Variants in EZH1 observed in about 807,000 individuals in gnomAD.
EZH1 encodes histone-lysine N-methyltransferase EZH1.
Under a neutral mutation model 100.5 loss-of-function variants are expected in EZH1, and 33 were observed. That is an observed-to-expected ratio of 0.33 (90% CI 0.25 to 0.44). The LOEUF (loss-of-function observed/expected upper bound fraction) is 0.44. Ranked by LOEUF, EZH1 falls within the 20% of genes least tolerant of loss-of-function variation. EZH1 has a pLI of 1.00. For missense variants in EZH1, 475 were observed against 928.4 expected, an observed-to-expected ratio of 0.51 and a Z score of 6.35; for synonymous variants, 272 against 313.8, an observed-to-expected ratio of 0.87 and a Z score of 1.41.
At chr17:42,725,608 T>G (rs1474567537) in intron 4 of EZH1, among the ~76,000 whole-genome samples, 2 of 152,134 alleles carry the variant, frequency 1.3e-5, no homozygotes, top group African/African-American at 2.4e-5. Context: ...TTCACCTTTG[T>G]GTCCTCTATA....
chr17:42,722,602 G>A (rs187195621), intron 6 of EZH1, among the ~76,000 whole-genome samples, 193 bp downstream of exon 6: 1 of 142,902 alleles, frequency 7.0e-6, no homozygotes, highest in Non-Finnish European at 1.5e-5. Context: ...TCCAGCCTGG[G>A]CAACTAAGGC....
At chr17:42,716,617 A>G (rs2053609191) in intron 10 of EZH1, among the ~76,000 whole-genome samples, 1 of 152,224 alleles carries the variant, frequency 6.6e-6, no homozygotes, top group South Asian at 2.1e-4. Flanking sequence ...GAGAAGGGCA[A>G]TGACCTTTTG....
At chr17:42,703,113 T>TAAAA in intron 19 of EZH1, 152 bp from the exon 20 acceptor site, 1 of 672,168 alleles carries the variant, frequency 1.5e-6, no homozygotes, top group East Asian at 2.7e-5. Context: ...TCTATGCTTT[T>TAAAA]AGATCTGTTA....
Position 42,718,515 on chromosome 17 carries a change from A to G in EZH1, c.870T>C (p.Ser290=). The G allele has an allele frequency of 6.2e-7, 1 of 1,614,206 alleles. No homozygotes were observed. The highest frequency in any genetic ancestry group is 8.5e-7 in the Non-Finnish European group (1 of 1,180,036). ...AAAAAAGTGTGTGGAAGGAGTGCAGAGATTGCTCCCGCTGCACAGACTTGG... is the reference window on the plus strand; with the variant it reads ...AAAAAAGTGTGTGGAAGGAGTGCAGGGATTGCTCCCGCTGCACAGACTTGG... The part of the protein sequence containing the change: ...PNAKSVQREQ[S]LHSFHTLFCR... Residue 290 remains serine, a synonymous_variant, in exon 9 of 21, where the codon TCT becomes TCC. Coordinates refer to ENST00000428826, the MANE Select transcript of EZH1 (RefSeq NM_001991.5). This position sits in a 1 kb window ranked among gnomAD's most constrained non-coding sequence, Gnocchi z 4.2.
chr17:42,724,107 C>T (rs1412992792), intron 5 of EZH1, among the ~76,000 whole-genome samples, 198 bp downstream of exon 5: 4 of 152,142 alleles, frequency 2.6e-5, no homozygotes, highest in Non-Finnish European at 5.9e-5. Flanking sequence ...AAGCACACAT[C>T]AGAGAGCATA....
chr17:42,732,128 ACAAAAC>A (rs2053962842), intron 1 of EZH1, among the ~76,000 whole-genome samples: 1 of 151,706 alleles, frequency 6.6e-6, no homozygotes, highest in Non-Finnish European at 1.5e-5. Context: ...AAAAACAAAA[ACAAAAC>A]AAAACCAAAA....
At chr17:42,713,037 C>CAAAAAAAAAAA (rs10664421) in intron 11 of EZH1, among the ~76,000 whole-genome samples, 172 bp downstream of exon 11, 3 of 83,996 alleles carry the variant, frequency 3.6e-5, no homozygotes, top group African/African-American at 9.7e-5. Context: ...GAGACTGTTT[C>CAAAAAAAAAAA]AAAAAAAAAA....
Position 42,704,182 on chromosome 17 carries a change from G to A in EZH1, c.2018-362C>T, listed in dbSNP as rs115899583. 8.3e-3 allele frequency among the ~76,000 whole-genome samples: 1,268 copies of A among 152,260 alleles called. 20 individuals are homozygous for A. Among genetic ancestry groups the A allele is most frequent in the African/African-American group, 0.029 (1,201 of 41,540 alleles). Reference sequence around the variant, plus strand: ...GTGTGATCCTGCCCCCTTGCTCTATGCATCTGCTGGAAGATTCGGAGCTGA... The same window carrying A: ...GTGTGATCCTGCCCCCTTGCTCTATACATCTGCTGGAAGATTCGGAGCTGA... On this transcript the variant is annotated intron_variant, in intron 18 of 20. Coordinates refer to ENST00000428826, the MANE Select transcript of EZH1 (RefSeq NM_001991.5).
chr17:42,735,846 G>A (rs1339794000), intron 1 of EZH1, among the ~76,000 whole-genome samples: 5 of 152,132 alleles, frequency 3.3e-5, no homozygotes, highest in Non-Finnish European at 5.9e-5. Flanking sequence ...TTAGCCAGGC[G>A]TGGTGGCGTC....
chr17:42,724,666 A>G, intron 4 of EZH1: 1 of 343,354 alleles, frequency 2.9e-6, no homozygotes, highest in Non-Finnish European at 5.6e-6. Context: ...CACACATGTA[A>G]TCCCAGCTAC....
At chr17:42,743,060 A>C (rs1309722318) in intron 1 of EZH1, among the ~76,000 whole-genome samples, 1 of 151,406 alleles carries the variant, frequency 6.6e-6, no homozygotes, top group African/African-American at 2.4e-5. Flanking sequence ...GTAGAGAAGG[A>C]GTTTCGCCAT....
chr17:42,739,153 C>G (rs1008295768), intron 1 of EZH1, among the ~76,000 whole-genome samples: 1 of 152,130 alleles, frequency 6.6e-6, no homozygotes, highest in Non-Finnish European at 1.5e-5. Flanking sequence ...CTGCAAAGAG[C>G]TCTAGTAACA....
chr17:42,723,236 G>A (rs1045420308), intron 5 of EZH1, among the ~76,000 whole-genome samples: 10 of 152,154 alleles, frequency 6.6e-5, no homozygotes, highest in Non-Finnish European at 7.4e-5. Flanking sequence ...TTAGCTGGGC[G>A]TGGTGGCGCA....
At chr17:42,729,403 T>C (rs1422201071) in intron 2 of EZH1, among the ~76,000 whole-genome samples, 1 of 151,842 alleles carries the variant, frequency 6.6e-6, no homozygotes. Flanking sequence ...TGAGACCTTG[T>C]CTCAAAAAAC....
chr17:42,715,347 C>G (rs115818584), intron 10 of EZH1, among the ~76,000 whole-genome samples: 1,589 of 150,598 alleles, frequency 0.011, 13 homozygotes, highest in Non-Finnish European at 0.015. Context: ...TCTCAGCTCA[C>G]TGCAGCCTTG....
chr17:42,708,284 G>T, intron 14 of EZH1: 1 of 545,170 alleles, frequency 1.8e-6, no homozygotes, highest in South Asian at 2.3e-5. Flanking sequence ...GGGAGGGTGT[G>T]GAGATGGTCT....
At chr17:42,717,104 A>G (rs1033116980) in intron 10 of EZH1, among the ~76,000 whole-genome samples, 5 of 152,210 alleles carry the variant, frequency 3.3e-5, no homozygotes, top group African/African-American at 7.2e-5. Context: ...GGCAAAATAT[A>G]TAACTTTTGT....
In EZH1 at chr17:42,724,856, T is replaced by G. The variant is rs542359802; in HGVS notation, c.247-432A>C. Among the ~76,000 whole-genome samples the G allele has an allele frequency of 6.6e-5, 10 of 151,894 alleles. 1 individual carries two copies. The South Asian group carries it at 1.9e-3, about 28-fold the overall frequency. On this transcript the variant is annotated intron_variant, in intron 4 of 20. Coordinates refer to ENST00000428826, the MANE Select transcript of EZH1 (RefSeq NM_001991.5). ...AAGCTAATAAATTAAATTTTTAAAATTCAGATGGCATTTAAAATTATAAAA... is the reference window on the plus strand; with the variant it reads ...AAGCTAATAAATTAAATTTTTAAAAGTCAGATGGCATTTAAAATTATAAAA...
chr17:42,743,408 T>C (rs1004033252), intron 1 of EZH1, among the ~76,000 whole-genome samples: 2 of 146,392 alleles, frequency 1.4e-5, no homozygotes, highest in South Asian at 2.2e-4. Context: ...TGGGCTCGAG[T>C]GAACGGTCCA....
Sources: allele counts gnomAD v4.1 joint callset (sites outside exome capture counted in the v4.1 genomes callset), GRCh38; gene constraint gnomAD v4.1.1; non-coding constraint Gnocchi (gnomAD v3.1); transcripts MANE v1.5; gene names NCBI Gene and HGNC (gene_info 2026-07-23, HGNC 2026-07-21).